Variants in DOCK7 observed in about 807,000 individuals in gnomAD.
DOCK7 encodes the protein dedicator of cytokinesis protein 7.
DOCK7 carries 138 observed loss-of-function variants against 271.0 expected under a neutral mutation model. That is an observed-to-expected ratio of 0.51 (90% CI 0.44 to 0.59). The LOEUF (loss-of-function observed/expected upper bound fraction) is 0.59, where lower values mean the gene tolerates loss of function less well. Ranked by LOEUF, DOCK7 falls within the 20% of genes least tolerant of loss-of-function variation. The probability of loss-of-function intolerance (pLI) is 0.00; values close to 1 mark genes in which losing one functional copy is unlikely to be tolerated. For missense variants in DOCK7, 2,066 were observed against 2,592.4 expected (o/e 0.80, Z 4.41); for synonymous variants, 823 against 876.1 (o/e 0.94, Z 1.07).
In DOCK7 at chr1:62,572,727, T is replaced by C. The variant is rs74531355; in HGVS notation, c.2112+4535A>G. The stretch of plus-strand genomic sequence containing the variant: ...CCCTTATAACCTTGTCTAAACCCAA[T>C]TCCCTTCCAAAGACTCCATCTCAAA... On this transcript the variant is annotated intron_variant, in intron 18 of 49. Transcript: ENST00000635253. Among the ~76,000 whole-genome samples the C allele has an allele frequency of 2.6e-3, 402 of 152,226 alleles. 2 individuals are homozygous for C. Among genetic ancestry groups the C allele is most frequent in the Admixed American group, 4.4e-3 (67 of 15,286 alleles).
chr1:62,677,134 G>A (rs1660624953), intron 1 of DOCK7, among the ~76,000 whole-genome samples: 1 of 152,200 alleles, frequency 6.6e-6, no homozygotes, highest in African/African-American at 2.4e-5. Flanking sequence ...GTTTTGCTAT[G>A]AACAGTACTC....
chr1:62,651,374 C>T (rs1376226714), intron 4 of DOCK7, among the ~76,000 whole-genome samples: 1 of 148,174 alleles, frequency 6.7e-6, no homozygotes, highest in Non-Finnish European at 1.5e-5. Context: ...GGGTGCAGCA[C>T]ACCAACATGG....
intron 48 of DOCK7, among the ~76,000 whole-genome samples, chr1:62,462,445 A>G (rs561032649): frequency 1.3e-5 from 2 of 152,368 alleles, no homozygotes; most frequent in South Asian, 4.1e-4. Context: ...AGAGATAAAT[A>G]GAGTACTGTA....
intron 36 of DOCK7, 47 bp downstream of exon 36, chr1:62,505,632 TTAA>T: frequency 6.4e-7 from 1 of 1,562,444 alleles, no homozygotes; most frequent in Non-Finnish European, 8.6e-7. Context: ...TTAGACAATG[TTAA>T]TAAAAAAAAC....
At chr1:62,673,888 G>C (rs1660265831) in intron 1 of DOCK7, among the ~76,000 whole-genome samples, 1 of 145,486 alleles carries the variant, frequency 6.9e-6, no homozygotes, top group Admixed American at 6.9e-5. Flanking sequence ...CCTTGTACTG[G>C]AAGAGGGAGG....
chr1:62,648,580 T>A, intron 4 of DOCK7, 36 bp from the exon 5 acceptor site: 6 of 1,145,834 alleles, frequency 5.2e-6, no homozygotes, highest in Non-Finnish European at 6.9e-6. Flanking sequence ...ATATCAACTA[T>A]CAAACTTAGG....
intron 10 of DOCK7, among the ~76,000 whole-genome samples, chr1:62,631,815 T>C (rs1308523525): frequency 6.6e-6 from 1 of 152,220 alleles, no homozygotes; most frequent in Non-Finnish European, 1.5e-5. Context: ...ACATTTGAAA[T>C]AGTCCCTAAC....
intron 15 of DOCK7, among the ~76,000 whole-genome samples, chr1:62,586,040 T>C (rs2149497903): frequency 6.6e-6 from 1 of 152,206 alleles, no homozygotes; most frequent in East Asian, 1.9e-4. Flanking sequence ...GCCATACATA[T>C]TAAAATCACC....
At chr1:62,521,534 A>C (rs753868483) in intron 31 of DOCK7, among the ~76,000 whole-genome samples, 11 of 152,214 alleles carry the variant, frequency 7.2e-5, no homozygotes, top group Non-Finnish European at 1.0e-4. Context: ...TAAAGACAAG[A>C]AAAGGTACAA....
chr1:62,567,916 T>A (rs1012714896), intron 18 of DOCK7, among the ~76,000 whole-genome samples: 1 of 152,134 alleles, frequency 6.6e-6, no homozygotes. Context: ...CTGATAGATA[T>A]CTACAGAACT....
At chr1:62,631,454 A>G (rs750814056) in intron 10 of DOCK7, 49 bp from the exon 11 acceptor site, 1 of 1,459,472 alleles carries the variant, frequency 6.9e-7, no homozygotes, top group Admixed American at 2.3e-5. Flanking sequence ...GAAAGAAATC[A>G]GTTAAAGGCT....
At chr1:62,623,639 G>C (rs975218648) in intron 12 of DOCK7, among the ~76,000 whole-genome samples, 1 of 152,162 alleles carries the variant, frequency 6.6e-6, no homozygotes, top group African/African-American at 2.4e-5. Flanking sequence ...AGTAGAAAGA[G>C]GGGGAAGTAA....
At chr1:62,667,260 A>G (rs1398244154) in intron 1 of DOCK7, among the ~76,000 whole-genome samples, 2 of 152,224 alleles carry the variant, frequency 1.3e-5, no homozygotes, top group African/African-American at 4.8e-5. Context: ...CTGCTCCTAT[A>G]AAGTCACAAA....
intron 1 of DOCK7, among the ~76,000 whole-genome samples, chr1:62,678,546 A>C (rs1370715263): frequency 6.6e-6 from 1 of 152,208 alleles, no homozygotes; most frequent in Non-Finnish European, 1.5e-5. Flanking sequence ...TGGAAACTCA[A>C]TATTATAAGG....
chr1:62,631,237 TA>T lies in DOCK7; in HGVS notation c.1282+2del. 6.3e-7 allele frequency: 1 copy of T among 1,583,480 alleles called. No homozygotes were observed. The highest frequency in any genetic ancestry group is 8.5e-7 in the Non-Finnish European group (1 of 1,170,010). The stretch of plus-strand genomic sequence containing the variant: ...AGAAATGTTTTGTATGAAACACTCT[TA>T]CCTCCAGTACTGATTTCTACTTCTG... On this transcript the variant is annotated splice_donor_variant, in intron 11 of 49. Coordinates refer to ENST00000635253, the MANE Select transcript of DOCK7 (RefSeq NM_001367561.1). LOFTEE classifies it high-confidence loss of function.
At position 62,513,488 on chromosome 1, in the gene DOCK7, C is replaced by T. The variant is rs771357754; in HGVS notation, c.4238G>A (p.Arg1413Gln). The T allele has an allele frequency of 1.2e-6, 2 of 1,613,876 alleles. No homozygotes were observed. The highest frequency in any genetic ancestry group is 1.1e-5 in the South Asian group (1 of 91,012). The stretch of plus-strand genomic sequence containing the variant: ...GTACGTACCGAGCTGTCCTCGGCTT[C>T]GCCGTACCATTTCTTGCCTGGCACC... ...SIGARQEMVR[R>Q]SRGQLGTYTI... Residue 1413 changes from arginine to glutamine, a missense_variant, in exon 33 of 50, where the codon CGA becomes CAA. Physicochemically the swap from Arg to Gln is conservative, Grantham distance 43. This residue lies in a region of DOCK7 where 652 missense variants were observed against 922.1 expected (regional missense o/e 0.71). Transcript: ENST00000635253.
At chr1:62,596,418 T>C (rs1054730142) in intron 14 of DOCK7, among the ~76,000 whole-genome samples, 6 of 152,200 alleles carry the variant, frequency 3.9e-5, no homozygotes, top group African/African-American at 1.2e-4. Flanking sequence ...TTTCTTAATA[T>C]GAACACTCAA....
At chr1:62,529,156 T>A in intron 30 of DOCK7, 121 bp downstream of exon 30, 1 of 956,392 alleles carries the variant, frequency 1.0e-6, no homozygotes, top group Non-Finnish European at 1.4e-6. Flanking sequence ...TATTTATAGT[T>A]TACTTTGATC....
At chr1:62,570,172 G>T (rs186491908) in intron 18 of DOCK7, among the ~76,000 whole-genome samples, 5 of 152,292 alleles carry the variant, frequency 3.3e-5, no homozygotes, top group African/African-American at 9.6e-5. Context: ...CAGCCCAAAA[G>T]CTTCTTAAGC....
Sources: allele counts gnomAD v4.1 joint callset (sites outside exome capture counted in the v4.1 genomes callset), GRCh38; gene constraint gnomAD v4.1.1; regional missense constraint gnomAD v4.1.1; transcripts MANE v1.5; gene names NCBI Gene and HGNC (gene_info 2026-07-23, HGNC 2026-07-21).